GZF1: variants seen among roughly 807,000 people sequenced by gnomAD.
GZF1 encodes GDNF-inducible zinc finger protein 1.
GZF1 carries 28 observed loss-of-function variants against 49.4 expected under a neutral mutation model. That is an observed-to-expected ratio of 0.57 (90% CI 0.42 to 0.78). GZF1 has a LOEUF of 0.78. GZF1 is among the 30% of genes least tolerant of loss of function. The pLI is 0.00. For missense variants in GZF1, 798 were observed against 916.2 expected (o/e 0.87, Z 1.67); for synonymous variants, 364 against 356.0 (o/e 1.02, Z -0.25).
At chr20:23,367,121 T>G in intron 3 of GZF1, 24 bp downstream of exon 3, 2 of 1,456,848 alleles carry the variant, frequency 1.4e-6, no homozygotes, top group African/African-American at 1.4e-5. Flanking sequence ...CTGTTGTGAT[T>G]GAATGTCTTT....
At chr20:23,366,699 T>C (rs1206017930) in intron 2 of GZF1, among the ~76,000 whole-genome samples, 1 of 152,220 alleles carries the variant, frequency 6.6e-6, no homozygotes, top group Non-Finnish European at 1.5e-5. Context: ...TCTTTAGTGT[T>C]TAAAAAAATC....
rs1981986677 is a variant in GZF1 at position 23,370,622 on chromosome 20, C to G, written c.*181C>G. 1.7e-6 allele frequency: 1 copy of G among 591,484 alleles called. No homozygotes were observed. The highest frequency in any genetic ancestry group is 3.0e-6 in the Non-Finnish European group (1 of 336,166). The allele number at this position is 591,484 out of a possible 1,614,324, so 36.6% of individuals were successfully genotyped here. On this transcript the variant is annotated 3_prime_UTR_variant, in exon 6 of 6. Coordinates refer to ENST00000338121, the MANE Select transcript of GZF1 (RefSeq NM_022482.5). ...TCACAGCATTTTTAAAGCTTTCCCT[C>G]AAAAATCCTGATCTGCATGATCTCA...
chr20:23,369,028 T>C, intron 4 of GZF1, 99 bp downstream of exon 4: 1 of 1,056,024 alleles, frequency 9.5e-7, no homozygotes, highest in South Asian at 1.8e-5. Flanking sequence ...ACTAAGCTTT[T>C]GAAGAAAACT....
chr20:23,364,167 T>G (rs1333385754), intron 1 of GZF1, among the ~76,000 whole-genome samples, 196 bp from the exon 2 acceptor site: 1 of 152,236 alleles, frequency 6.6e-6, no homozygotes, highest in Non-Finnish European at 1.5e-5. Context: ...CATGCCAATT[T>G]ATTACCTTAG....
At chr20:23,367,743 AT>A (rs1380277471) in intron 3 of GZF1, among the ~76,000 whole-genome samples, 1 of 152,174 alleles carries the variant, frequency 6.6e-6, no homozygotes, top group Non-Finnish European at 1.5e-5. Flanking sequence ...TTTATGATTT[AT>A]TAATTATGTG....
rs541736431 is a variant in GZF1, at chr20:23,365,032, C to T, written c.649C>T (p.Pro217Ser). 5.6e-6 allele frequency: 9 copies of T among 1,614,152 alleles called. No individual in the cohort carries two copies. Among genetic ancestry groups the T allele is most frequent in the Non-Finnish European group, 7.6e-6 (9 of 1,180,024 alleles). Reference sequence around the variant, plus strand: ...GAAAGAGGTAGTTAAACCTCCCTACCCTAAAATCAGGAGAGCTAGTGGAAG... The same window carrying T: ...GAAAGAGGTAGTTAAACCTCCCTACTCTAAAATCAGGAGAGCTAGTGGAAG... ...KKKEVVKPPY[P>S]KIRRASGRLA... is the part of the protein sequence containing the mutation. Residue 217 changes from proline to serine, a missense_variant, in exon 2 of 6, where the codon CCT becomes TCT. By Grantham distance (74) the Pro-to-Ser change is moderately conservative (BLOSUM62 -1). Transcript: ENST00000338121.
At chr20:23,361,655 T>C (rs186001577), upstream of GZF1, among the ~76,000 whole-genome samples, 98 of 152,236 alleles carry the variant, frequency 6.4e-4, 3 homozygotes, top group East Asian at 0.018. Context: ...GCGCCCCTAG[T>C]AGCCAAGGTG....
rs989025096 is a variant in GZF1 at position 23,370,459 on chromosome 20, C to T, written c.*18C>T. 1.3e-6 allele frequency: 2 copies of T among 1,496,042 alleles called. No homozygotes were observed. Among genetic ancestry groups the T allele is most frequent in the Middle Eastern group, 1.7e-4 (1 of 5,812 alleles). 92.7% of individuals were successfully genotyped at this position (1,496,042 alleles called of 1,614,324 possible). A position where few individuals can be genotyped will look rare whatever the true frequency, so the allele number is the denominator to read the frequency against. On this transcript the variant is annotated 3_prime_UTR_variant, in exon 6 of 6. Coordinates refer to ENST00000338121, the MANE Select transcript of GZF1 (RefSeq NM_022482.5). Reference sequence around the variant, plus strand: ...TGGAATAAGAGCTTCAAGCAGTTCCCATCCTGTTAGTCTGCGTGTGTGGTA... The same window carrying T: ...TGGAATAAGAGCTTCAAGCAGTTCCTATCCTGTTAGTCTGCGTGTGTGGTA...
intron 3 of GZF1, 131 bp downstream of exon 3, chr20:23,367,228 A>G (rs1338428175): frequency 3.1e-6 from 2 of 647,104 alleles, no homozygotes; most frequent in Non-Finnish European, 5.5e-6. Flanking sequence ...CCATCTAGTA[A>G]GTGAGCAAAA....
Position 23,371,370 on chromosome 20 carries a change from A to G in GZF1, c.*929A>G, listed in dbSNP as rs1387139559. 1 of 152,596 alleles carries G rather than the reference A, an allele frequency of 6.6e-6. No individual in the cohort carries two copies. Among genetic ancestry groups the G allele is most frequent in the African/African-American group, 2.4e-5 (1 of 41,432 alleles). 9.5% of individuals were successfully genotyped at this position (152,596 alleles called of 1,614,324 possible). ...CAGGTTTTTCTGACTTGATTTCTGTAATTTCCAGAAACCCAGACTTCTCAT... is the reference window on the plus strand; with the variant it reads ...CAGGTTTTTCTGACTTGATTTCTGTGATTTCCAGAAACCCAGACTTCTCAT... On this transcript the variant is annotated 3_prime_UTR_variant, in exon 6 of 6. Coordinates refer to ENST00000338121, the MANE Select transcript of GZF1 (RefSeq NM_022482.5).
chr20:23,363,992 G>A (rs947668370), intron 1 of GZF1, among the ~76,000 whole-genome samples: 1 of 152,226 alleles, frequency 6.6e-6, no homozygotes, highest in Non-Finnish European at 1.5e-5. Context: ...CCTGATCAGA[G>A]AACTAGACAT....
At chr20:23,368,653 C>A in intron 3 of GZF1, 109 bp from the exon 4 acceptor site, 1 of 590,320 alleles carries the variant, frequency 1.7e-6, no homozygotes, top group Non-Finnish European at 2.7e-6. Context: ...TAACATGCTG[C>A]CTACCAAGGC....
At chr20:23,369,442 T>G (rs1981804830) in intron 4 of GZF1, 142 bp from the exon 5 acceptor site, 1 of 704,092 alleles carries the variant, frequency 1.4e-6, no homozygotes, top group East Asian at 2.7e-5. Context: ...GCCCTTAAGT[T>G]GTTCCCAACA....
intron 3 of GZF1, among the ~76,000 whole-genome samples, 187 bp from the exon 4 acceptor site, chr20:23,368,575 C>G (rs1157486123): frequency 6.6e-6 from 1 of 152,164 alleles, no homozygotes; most frequent in Non-Finnish European, 1.5e-5. Flanking sequence ...ATATTTTACA[C>G]CAACTTTCAG....
In GZF1 at chr20:23,371,673, C is replaced by T. The variant is rs555283315; in HGVS notation, c.*1232C>T. 6 of 152,652 alleles carry T rather than the reference C, an allele frequency of 3.9e-5. No homozygotes were observed. In the East Asian group the frequency reaches 9.6e-4, roughly 25 times the overall value. 9.5% of individuals were successfully genotyped at this position (152,652 alleles called of 1,614,324 possible). On this transcript the variant is annotated 3_prime_UTR_variant, in exon 6 of 6. Coordinates refer to ENST00000338121, the MANE Select transcript of GZF1 (RefSeq NM_022482.5). Reference sequence around the variant, plus strand: ...GTTCTAGGGCCTTGAGTATGTGCCACGTGCTTGTGAAATGCTATGATTCAC... The same window carrying T: ...GTTCTAGGGCCTTGAGTATGTGCCATGTGCTTGTGAAATGCTATGATTCAC...
rs1411857685 is a variant in GZF1, at chr20:23,365,703, C to T, written c.1320C>T (p.Cys440=). Residue 440 remains cysteine, a synonymous_variant, in exon 2 of 6, where the codon TGC becomes TGT. Transcript: ENST00000338121. ...TGDRPYGCTE[C]GARFSQPSAL... is the part of the protein sequence containing the mutation. ...ACCGGCCCTACGGCTGCACCGAGTGCGGCGCCAGGTTCTCGCAGCCGTCCG... is the reference window on the plus strand; with the variant it reads ...ACCGGCCCTACGGCTGCACCGAGTGTGGCGCCAGGTTCTCGCAGCCGTCCG... The T allele has an allele frequency of 1.3e-6, 2 of 1,569,944 alleles. No homozygotes were observed. Among genetic ancestry groups the T allele is most frequent in the East Asian group, 2.3e-5 (1 of 44,398 alleles).
intron 4 of GZF1, 40 bp from the exon 5 acceptor site, chr20:23,369,544 C>G (rs776403016): frequency 6.4e-6 from 10 of 1,565,090 alleles, no homozygotes; most frequent in Admixed American, 1.9e-5. Context: ...CACAGTAGGC[C>G]AAAGGGACCC....
Position 23,371,918 on chromosome 20 carries a change from T to G in GZF1, c.*1477T>G, listed in dbSNP as rs1196511633. On this transcript the variant is annotated 3_prime_UTR_variant, in exon 6 of 6. Transcript: ENST00000338121. ...TCCTAAGTGCTTATGTTTTAACTTA[T>G]GTTAGTGAAACCACTACAAGGTGTT... The G allele has an allele frequency of 6.6e-6, 1 of 152,518 alleles. No homozygotes were observed. Among genetic ancestry groups the G allele is most frequent in the Admixed American group, 6.5e-5 (1 of 15,288 alleles). 9.4% of individuals were successfully genotyped at this position (152,518 alleles called of 1,614,324 possible). A position where few individuals can be genotyped will look rare whatever the true frequency, so the allele number is the denominator to read the frequency against.
At chr20:23,368,263 G>A (rs1981642269) in intron 3 of GZF1, among the ~76,000 whole-genome samples, 1 of 152,156 alleles carries the variant, frequency 6.6e-6, no homozygotes, top group South Asian at 2.1e-4. Flanking sequence ...AATTTGGTAA[G>A]TCTGATTTGT....
Sources: allele counts gnomAD v4.1 joint callset (sites outside exome capture counted in the v4.1 genomes callset), GRCh38; gene constraint gnomAD v4.1.1; transcripts MANE v1.5; gene names NCBI Gene and HGNC (gene_info 2026-07-23, HGNC 2026-07-21).